Variants in ADH7 observed in about 807,000 individuals in gnomAD.
The protein encoded by ADH7 is all-trans-retinol dehydrogenase [NAD(+)] ADH7.
In ADH7, 41 loss-of-function variants were observed where a neutral mutation model predicts 34.4. That is an observed-to-expected ratio of 1.19 (90% confidence interval 0.93 to 1.55). ADH7 has a LOEUF of 1.55. Ranked by LOEUF, ADH7 falls within the 40% of genes most tolerant of loss-of-function variation. The pLI, the probability that ADH7 is intolerant of heterozygous loss-of-function variation, is 0.00. For missense variants in ADH7, 540 were observed against 461.2 expected (o/e 1.17, Z -1.56); for synonymous variants, 180 against 160.9 (o/e 1.12, Z -0.90).
Position 99,420,646 on chromosome 4 carries a change from T to C in ADH7, c.712A>G (p.Thr238Ala). 1 of 1,613,956 alleles carries C rather than the reference T, an allele frequency of 6.2e-7. No homozygotes were observed. The highest frequency in any genetic ancestry group is 1.7e-5 in the Admixed American group (1 of 59,952). ...GAGTCCTTGGGACTGATACACTCAG[T>C]GGCACCTACAGCCATGGCCTTCTCA... is the stretch of plus-strand genomic sequence containing the variant. ...KFEKAMAVGA[T>A]ECISPKDSTK... is the part of the protein sequence containing the mutation. Residue 238 changes from threonine (T) to alanine (A), a missense_variant, in exon 6 of 9, where the codon ACT becomes GCT. Physicochemically the swap from Thr to Ala is moderately conservative, Grantham distance 58. Coordinates refer to ENST00000437033, the MANE Select transcript of ADH7 (RefSeq NM_000673.7).
chr4:99,423,904 T>C (rs1721733191), intron 5 of ADH7, among the ~76,000 whole-genome samples: 4 of 152,094 alleles, frequency 2.6e-5, no homozygotes, highest in Admixed American at 2.6e-4. Context: ...TTGTCAATTT[T>C]GGCTTTTGTT....
chr4:99,420,408 G>T (rs1721619414), intron 6 of ADH7, 125 bp downstream of exon 6: 1 of 1,174,230 alleles, frequency 8.5e-7, no homozygotes, highest in Non-Finnish European at 1.2e-6. Context: ...TTTTGCCTGA[G>T]TAAAACTGAC....
At chr4:99,419,760 C>T (rs1477146284) in intron 6 of ADH7, among the ~76,000 whole-genome samples, 1 of 152,026 alleles carries the variant, frequency 6.6e-6, no homozygotes, top group Admixed American at 6.6e-5. Context: ...ACCTAGAATG[C>T]TATTTGTTGA....
Position 99,422,806 on chromosome 4 carries a change from C to A in ADH7, c.565-2013G>T, listed in dbSNP as rs1391713337. Among the ~76,000 whole-genome samples, 63 of 138,092 alleles carry A rather than the reference C, an allele frequency of 4.6e-4. 1 individual carries two copies. Among genetic ancestry groups the A allele is most frequent in the African/African-American group, 1.6e-3 (62 of 37,708 alleles). The allele number at this position is 138,092 out of a possible 152,430, so 90.6% of individuals were successfully genotyped here. On this transcript the variant is annotated intron_variant, in intron 5 of 8. Coordinates refer to ENST00000437033, the MANE Select transcript of ADH7 (RefSeq NM_000673.7). ...TTAATAATGTATTAGGTCAAAGATT[C>A]TTTTTTTTTTCTAATAAAATAGACC... is the stretch of plus-strand genomic sequence containing the variant.
chr4:99,428,060 A>G lies in ADH7; in HGVS notation c.347+27T>C, dbSNP rs761246672. 5.0e-6 allele frequency: 8 copies of G among 1,613,568 alleles called. No individual in the cohort carries two copies. The Admixed American group carries it at 1.2e-4, about 24-fold the overall frequency. On this transcript the variant is annotated intron_variant, in intron 4 of 8. Coordinates refer to ENST00000437033, the MANE Select transcript of ADH7 (RefSeq NM_000673.7). ...ATTAGCATAGGAAAAATGTAAATAC[A>G]TTAAAGTAAAAATGACTGAAACCTA... is the stretch of plus-strand genomic sequence containing the variant.
At chr4:99,416,714 T>C (rs1332910116) in intron 7 of ADH7, among the ~76,000 whole-genome samples, 1 of 152,120 alleles carries the variant, frequency 6.6e-6, no homozygotes, top group Non-Finnish European at 1.5e-5. Flanking sequence ...TTAAAATACT[T>C]AGGTTTCTAT....
chr4:99,426,960 C>G (rs1036219336), intron 5 of ADH7, among the ~76,000 whole-genome samples: 25 of 152,050 alleles, frequency 1.6e-4, no homozygotes, highest in Non-Finnish European at 2.6e-4. Context: ...AGACAAAAAC[C>G]ACATGATTAT....
chr4:99,422,672 G>A (rs1308229737), intron 5 of ADH7, among the ~76,000 whole-genome samples: 2 of 151,962 alleles, frequency 1.3e-5, no homozygotes, highest in Non-Finnish European at 2.9e-5. Flanking sequence ...AATAAATTTA[G>A]ATACAAATAT....
chr4:99,426,439 C>A lies in ADH7; in HGVS notation c.564+1334G>T, dbSNP rs963493571. On this transcript the variant is annotated intron_variant, in intron 5 of 8. Coordinates refer to ENST00000437033, the MANE Select transcript of ADH7 (RefSeq NM_000673.7). ...AGAGAATACTACAAACACCTCTACG[C>A]AAATAAACTAGAAAATCTAGAAGAA... 7.2e-5 allele frequency among the ~76,000 whole-genome samples: 11 copies of A among 152,234 alleles called. 1 individual carries two copies. The highest frequency in any genetic ancestry group is 1.3e-4 in the Non-Finnish European group (9 of 68,012).
rs1488228953 is a variant in ADH7 at position 99,420,624 on chromosome 4, T to C, written c.734A>G (p.Asp245Gly). 2.5e-6 allele frequency: 4 copies of C among 1,613,744 alleles called. No homozygotes were observed. In the Admixed American group the frequency reaches 5.0e-5, roughly 20 times the overall value. The change falls in exon 6 of 9, where the codon GAC becomes GGC. Residue 245 changes from aspartate to glycine, a missense_variant. By Grantham distance (94) the Asp-to-Gly change is moderately conservative (BLOSUM62 -1). Coordinates refer to ENST00000437033, the MANE Select transcript of ADH7 (RefSeq NM_000673.7). The stretch of plus-strand genomic sequence containing the variant: ...CACCTCACTGATGGGTTTGGTAGAG[T>C]CCTTGGGACTGATACACTCAGTGGC... ...VGATECISPKDSTKPISEVLS... is the reference protein window; with the variant it reads ...VGATECISPKGSTKPISEVLS...
rs201695257 is a variant in ADH7, at chr4:99,413,155, G to A, written c.1118C>T (p.Thr373Met). The A allele has an allele frequency of 4.3e-6, 7 of 1,613,530 alleles. No individual in the cohort carries two copies. The highest frequency in any genetic ancestry group is 4.5e-5 in the East Asian group (2 of 44,840). ...CTCCTGCCACTTTGGATCTCAAAAC[G>A]TCAGGACCGTTCGAATGCTGAAATG... ...NSGQSIRTVL[T>M]F is the part of the protein sequence containing the mutation. Residue 373 changes from threonine to methionine, a missense_variant, in exon 9 of 9, where the codon ACG (threonine) becomes ATG (methionine). Transcript: ENST00000437033.
intron 7 of ADH7, chr4:99,415,826 C>T: frequency 2.7e-6 from 1 of 364,008 alleles, no homozygotes; most frequent in East Asian, 5.0e-5. Context: ...TTTGCAGGGA[C>T]ATGGATGAAG....
At chr4:99,415,780 A>C (rs992350048) in intron 7 of ADH7, 164 bp from the exon 8 acceptor site, 3 of 627,266 alleles carry the variant, frequency 4.8e-6, no homozygotes, top group Non-Finnish European at 7.6e-6. Flanking sequence ...AAGAAACAAA[A>C]GTTATGCAGC....
rs775565468 is a variant in ADH7 at position 99,420,768 on chromosome 4, A to G, written c.590T>C (p.Val197Ala). The change falls in exon 6 of 9, where the codon GTC becomes GCC. Residue 197 changes from valine to alanine, a missense_variant. Coordinates refer to ENST00000437033, the MANE Select transcript of ADH7 (RefSeq NM_000673.7). ...GKVKPGSTCVVFGLGGVGLSV... is the reference protein window; with the variant it reads ...GKVKPGSTCVAFGLGGVGLSV... The stretch of plus-strand genomic sequence containing the variant: ...CAGGCCAACTCCTCCCAGGCCAAAG[A>G]CGACGCAAGTGGAACCAGGTTTGAC... 2.5e-6 allele frequency: 4 copies of G among 1,613,724 alleles called. No homozygotes were observed. Among genetic ancestry groups the G allele is most frequent in the Admixed American group, 3.3e-5 (2 of 59,908 alleles).
chr4:99,417,538 C>T (rs1178292858), intron 7 of ADH7, among the ~76,000 whole-genome samples: 1 of 152,112 alleles, frequency 6.6e-6, no homozygotes, highest in Non-Finnish European at 1.5e-5. Context: ...TGGCACTGCC[C>T]GTTACCCATC....
chr4:99,424,937 T>C (rs1191744956), intron 5 of ADH7, among the ~76,000 whole-genome samples: 2 of 151,896 alleles, frequency 1.3e-5, no homozygotes, highest in Admixed American at 6.6e-5. Context: ...TGAGAGAGGG[T>C]ATCCCTGTCT....
intron 5 of ADH7, among the ~76,000 whole-genome samples, chr4:99,423,635 T>C (rs1362949506): frequency 1.3e-5 from 2 of 152,246 alleles, no homozygotes; most frequent in African/African-American, 4.8e-5. Flanking sequence ...CCAGTGATGG[T>C]GAGCATTTTT....
intron 8 of ADH7, 101 bp from the exon 9 acceptor site, chr4:99,413,273 T>C: frequency 7.6e-7 from 1 of 1,310,972 alleles, no homozygotes; most frequent in Non-Finnish European, 1.1e-6. Flanking sequence ...AAACTTCAAG[T>C]AAATTCTGTT....
At chr4:99,419,273 A>C in intron 6 of ADH7, 152 bp from the exon 7 acceptor site, 1 of 945,822 alleles carries the variant, frequency 1.1e-6, no homozygotes, top group Non-Finnish European at 1.5e-6. Flanking sequence ...GTGCAACTTT[A>C]GTCCTTAATT....
Sources: allele counts gnomAD v4.1 joint callset (sites outside exome capture counted in the v4.1 genomes callset), GRCh38; gene constraint gnomAD v4.1.1; transcripts MANE v1.5; gene names NCBI Gene and HGNC (gene_info 2026-07-23, HGNC 2026-07-21).